The following LRRC4C variants were observed in gnomAD, a reference collection of about 807,000 sequenced individuals.
LRRC4C encodes leucine-rich repeat-containing protein 4C.
Under a neutral mutation model 33.6 loss-of-function variants are expected in LRRC4C, and 5 were observed. That is an observed-to-expected ratio of 0.15 (90% confidence interval 0.08 to 0.31). LRRC4C has a LOEUF of 0.31. LRRC4C is among the 10% of genes least tolerant of loss of function. LRRC4C has a pLI of 1.00. For missense variants in LRRC4C, 560 were observed against 796.7 expected, an observed-to-expected ratio of 0.70 and a Z score of 3.58; for synonymous variants, 329 against 302.0, an observed-to-expected ratio of 1.09 and a Z score of -0.93.
intron 4 of LRRC4C, among the ~76,000 whole-genome samples, chr11:40,254,101 C>T (rs910456336): frequency 2.0e-5 from 3 of 152,164 alleles, no homozygotes; most frequent in South Asian, 2.1e-4. Flanking sequence ...TGACCTTTCC[C>T]GTATCCTTGC....
intron 3 of LRRC4C, among the ~76,000 whole-genome samples, chr11:40,535,065 A>T (rs1267193898): frequency 6.6e-6 from 1 of 152,186 alleles, no homozygotes; most frequent in Admixed American, 6.5e-5. Context: ...GGAAAAAAAC[A>T]TATCCTAGAA....
chr11:40,492,533 A>G (rs1346829451), intron 3 of LRRC4C, among the ~76,000 whole-genome samples: 2 of 152,142 alleles, frequency 1.3e-5, no homozygotes, highest in Admixed American at 6.5e-5. Context: ...GTTATTACGT[A>G]TCTTTTAGTA....
At chr11:41,241,353 G>T (rs1207721559) in intron 1 of LRRC4C, among the ~76,000 whole-genome samples, 2 of 152,066 alleles carry the variant, frequency 1.3e-5, no homozygotes, top group East Asian at 3.9e-4. Context: ...TTCCAACAAG[G>T]ACTGTTCTTC....
intron 2 of LRRC4C, among the ~76,000 whole-genome samples, chr11:40,685,872 C>A (rs529218083): frequency 6.6e-6 from 1 of 151,670 alleles, no homozygotes; most frequent in Non-Finnish European, 1.5e-5. Context: ...CAACCTTGTC[C>A]TAGGTTGAAA....
At chr11:40,155,073 A>C (rs1285451930) in intron 5 of LRRC4C, among the ~76,000 whole-genome samples, 1 of 152,200 alleles carries the variant, frequency 6.6e-6, no homozygotes, top group Non-Finnish European at 1.5e-5. Context: ...GGTGGAAATA[A>C]ATACATGGAA....
intron 3 of LRRC4C, among the ~76,000 whole-genome samples, chr11:40,609,475 C>CTCA: frequency 6.6e-6 from 1 of 151,688 alleles, no homozygotes; most frequent in Non-Finnish European, 1.5e-5. Flanking sequence ...AAATAAACAA[C>CTCA]AATTTTGTAC....
intron 2 of LRRC4C, among the ~76,000 whole-genome samples, chr11:40,790,339 T>G (rs948378720): frequency 1.3e-5 from 2 of 152,212 alleles, no homozygotes; most frequent in African/African-American, 4.8e-5. Context: ...CTCAAATACA[T>G]TGATGATTTA....
intron 3 of LRRC4C, among the ~76,000 whole-genome samples, chr11:40,468,508 TA>T (rs1952764888): frequency 6.6e-6 from 1 of 152,116 alleles, no homozygotes; most frequent in Non-Finnish European, 1.5e-5. Flanking sequence ...CAGTAAAATC[TA>T]GAATGGTTTT....
At chr11:40,926,068 T>G (rs1957396609) in intron 2 of LRRC4C, among the ~76,000 whole-genome samples, 1 of 127,550 alleles carries the variant, frequency 7.8e-6, no homozygotes, top group African/African-American at 2.5e-5. Flanking sequence ...ATCTAAGGGT[T>G]TTTTGTTGTT....
At chr11:40,949,173 G>A (rs1364278736) in intron 1 of LRRC4C, among the ~76,000 whole-genome samples, 1 of 152,118 alleles carries the variant, frequency 6.6e-6, no homozygotes, top group Non-Finnish European at 1.5e-5. Flanking sequence ...CTTCTTTTGA[G>A]AAGTGTCTGT....
intron 3 of LRRC4C, among the ~76,000 whole-genome samples, chr11:40,382,594 CAAGTATT>C (rs1458814616): frequency 4.0e-5 from 6 of 150,664 alleles, no homozygotes; most frequent in African/African-American, 1.5e-4. Context: ...TTAAAGTACG[CAAGTATT>C]AAGTATAGCA....
intron 6 of LRRC4C, among the ~76,000 whole-genome samples, chr11:40,120,722 A>G (rs908559417): frequency 6.6e-6 from 1 of 152,186 alleles, no homozygotes; most frequent in South Asian, 2.1e-4. Context: ...GACTGGAAAT[A>G]GCACAAGAGT....
At chr11:40,613,751 T>A (rs1961474683) in intron 3 of LRRC4C, among the ~76,000 whole-genome samples, 1 of 151,932 alleles carries the variant, frequency 6.6e-6, no homozygotes, top group African/African-American at 2.4e-5. Flanking sequence ...GTCTCAAAAT[T>A]ACTTTTTGAT....
chr11:40,330,968 C>T (rs1020000934), intron 3 of LRRC4C, among the ~76,000 whole-genome samples: 1 of 152,142 alleles, frequency 6.6e-6, no homozygotes, highest in South Asian at 2.1e-4. Context: ...TCTGACTATT[C>T]TTCCCTTCCC....
At chr11:41,354,246 G>A (rs577375033) in intron 1 of LRRC4C, among the ~76,000 whole-genome samples, 23 of 151,886 alleles carry the variant, frequency 1.5e-4, no homozygotes, top group Non-Finnish European at 2.9e-4. Flanking sequence ...AGCTAAGAGC[G>A]AAATCAAGAA....
At chr11:40,846,824 C>G (rs1194689624) in intron 2 of LRRC4C, among the ~76,000 whole-genome samples, 1 of 152,080 alleles carries the variant, frequency 6.6e-6, no homozygotes, top group African/African-American at 2.4e-5. Flanking sequence ...TGTGTCCTCT[C>G]TTATTTCCAT....
chr11:41,187,594 G>A (rs191205597), intron 1 of LRRC4C, among the ~76,000 whole-genome samples: 1 of 152,296 alleles, frequency 6.6e-6, no homozygotes, highest in Non-Finnish European at 1.5e-5. Context: ...AAGCCCACGT[G>A]TTATCAGATT....
chr11:41,210,202 A>T lies in LRRC4C; in HGVS notation c.-496+249229T>A, dbSNP rs532894029. On this transcript the variant is annotated intron_variant, in intron 1 of 6. Coordinates refer to ENST00000528697, the MANE Select transcript of LRRC4C (RefSeq NM_001258419.2). ...GAGACAAACACCAACCCATAGTACC[A>T]TTATAACTGATATGGTTTGAGTGTG... Among the ~76,000 whole-genome samples the T allele has an allele frequency of 3.3e-5, 5 of 152,294 alleles. No homozygotes were observed. The South Asian group carries it at 1.0e-3, about 32-fold the overall frequency.
At chr11:40,587,930 A>T (rs1591193901) in intron 3 of LRRC4C, among the ~76,000 whole-genome samples, 1 of 152,106 alleles carries the variant, frequency 6.6e-6, no homozygotes, top group Non-Finnish European at 1.5e-5. Flanking sequence ...TATTGGTCTA[A>T]AATTCTCTTT....
Sources: allele counts gnomAD v4.1 joint callset (sites outside exome capture counted in the v4.1 genomes callset), GRCh38; gene constraint gnomAD v4.1.1; transcripts MANE v1.5; gene names NCBI Gene and HGNC (gene_info 2026-07-23, HGNC 2026-07-21).